HS3ST4: variants seen among roughly 807,000 people sequenced by gnomAD.
HS3ST4 encodes the protein heparan sulfate glucosamine 3-O-sulfotransferase 4.
A neutral mutation model predicts 29.2 loss-of-function variants in HS3ST4; 17 were observed. The ratio of observed to expected loss-of-function variants is 0.58; its 90% CI spans 0.40 to 0.87. The LOEUF is 0.87. Among genes scored for constraint, HS3ST4 ranks in the 40% least tolerant of loss-of-function variants. The pLI, the probability that HS3ST4 is intolerant of heterozygous loss-of-function variation, is 0.00. For synonymous variants in HS3ST4, 314 were observed against 285.7 expected (o/e 1.10, Z -1.00); for missense variants, 627 against 634.5 (o/e 0.99, Z 0.13).
chr16:25,824,057 C>T (rs9934473), intron 1 of HS3ST4, among the ~76,000 whole-genome samples: 91 of 152,248 alleles, frequency 6.0e-4, no homozygotes, highest in African/African-American at 1.9e-3. Flanking sequence ...GTGAGTCATT[C>T]GTCTTGGCAG....
intron 1 of HS3ST4, among the ~76,000 whole-genome samples, chr16:25,898,842 A>T (rs920157876): frequency 6.6e-6 from 1 of 152,252 alleles, no homozygotes; most frequent in African/African-American, 2.4e-5. Flanking sequence ...CCTTGGTGCA[A>T]AAACAAGACT....
intron 1 of HS3ST4, among the ~76,000 whole-genome samples, chr16:25,906,812 A>G (rs1266237537): frequency 1.3e-5 from 2 of 152,336 alleles, no homozygotes; most frequent in African/African-American, 2.4e-5. Context: ...CGCTTAAGGA[A>G]GGTAAAATTA....
intron 1 of HS3ST4, among the ~76,000 whole-genome samples, chr16:25,872,763 C>T (rs774310787): frequency 1.3e-5 from 2 of 152,154 alleles, no homozygotes; most frequent in African/African-American, 2.4e-5. Context: ...AAATCTACCA[C>T]TTGATGGGAA....
intron 1 of HS3ST4, among the ~76,000 whole-genome samples, chr16:26,024,878 G>A (rs1226380095): frequency 2.0e-5 from 3 of 152,180 alleles, no homozygotes; most frequent in Non-Finnish European, 4.4e-5. Context: ...CCCATGCTAG[G>A]TGAGTAAACC....
intron 1 of HS3ST4, among the ~76,000 whole-genome samples, chr16:25,872,620 G>A (rs1967766943): frequency 6.6e-6 from 1 of 152,168 alleles, no homozygotes; most frequent in African/African-American, 2.4e-5. Flanking sequence ...GTGGCTGTAA[G>A]TTTCCCAAGG....
intron 1 of HS3ST4, among the ~76,000 whole-genome samples, chr16:25,750,607 G>A (rs1012957443): frequency 6.6e-6 from 1 of 152,176 alleles, no homozygotes; most frequent in African/African-American, 2.4e-5. Flanking sequence ...CACTTTCTCA[G>A]TACTTGTGAG....
intron 1 of HS3ST4, among the ~76,000 whole-genome samples, chr16:25,707,116 C>T (rs1432953809): frequency 2.6e-5 from 4 of 152,212 alleles, no homozygotes; most frequent in Middle Eastern, 3.4e-3. Context: ...GATTGACTGT[C>T]GTGGTATCTC....
At chr16:25,700,152 C>T (rs963834734) in intron 1 of HS3ST4, among the ~76,000 whole-genome samples, 5 of 152,150 alleles carry the variant, frequency 3.3e-5, no homozygotes, top group Admixed American at 1.3e-4. Context: ...TAATCAGAAC[C>T]GGATTCCAGA....
chr16:25,882,605 T>A (rs1249084342), intron 1 of HS3ST4, among the ~76,000 whole-genome samples: 2 of 152,168 alleles, frequency 1.3e-5, no homozygotes, highest in Non-Finnish European at 1.5e-5. Flanking sequence ...CTTTTAGTTC[T>A]ACTGAAACTA....
intron 1 of HS3ST4, chr16:25,825,527 T>TG (rs1378517969): frequency 6.6e-6 from 1 of 152,260 alleles, no homozygotes; most frequent in Non-Finnish European, 1.5e-5. Flanking sequence ...CATGCTGCTG[T>TG]GGGGCACCAC....
intron 1 of HS3ST4, among the ~76,000 whole-genome samples, chr16:25,816,747 T>C (rs1967096001): frequency 6.6e-6 from 1 of 152,186 alleles, no homozygotes; most frequent in Non-Finnish European, 1.5e-5. Flanking sequence ...GCTTACAGGC[T>C]ACGAAGTCAG....
At chr16:25,757,127 A>G (rs981242547) in intron 1 of HS3ST4, among the ~76,000 whole-genome samples, 2 of 152,162 alleles carry the variant, frequency 1.3e-5, no homozygotes, top group Non-Finnish European at 2.9e-5. Context: ...CTAGGAGGAC[A>G]CTGTTTACAT....
intron 1 of HS3ST4, among the ~76,000 whole-genome samples, chr16:25,755,527 G>A (rs537770283): frequency 1.4e-4 from 21 of 152,294 alleles, no homozygotes; most frequent in African/African-American, 4.1e-4. Flanking sequence ...GGAGAACTTC[G>A]TAGATCATGT....
intron 1 of HS3ST4, among the ~76,000 whole-genome samples, chr16:25,781,055 G>C (rs546352217): frequency 6.6e-6 from 1 of 152,208 alleles, no homozygotes; most frequent in African/African-American, 2.4e-5. Flanking sequence ...CTTTGGACTT[G>C]GTTTATTGGG....
At chr16:26,035,393 G>A (rs898145690) in intron 1 of HS3ST4, among the ~76,000 whole-genome samples, 1 of 152,098 alleles carries the variant, frequency 6.6e-6, no homozygotes, top group Admixed American at 6.6e-5. Flanking sequence ...ACATCCAACT[G>A]CCTCTAAATA....
chr16:25,840,825 A>C (rs1364269999), intron 1 of HS3ST4, among the ~76,000 whole-genome samples: 1 of 152,166 alleles, frequency 6.6e-6, no homozygotes. Context: ...TAGAAGCAGC[A>C]CCCAAATATT....
At chr16:25,817,763 CA>C (rs1967108752) in intron 1 of HS3ST4, among the ~76,000 whole-genome samples, 1 of 152,186 alleles carries the variant, frequency 6.6e-6, no homozygotes, top group African/African-American at 2.4e-5. Flanking sequence ...TGTATTTATA[CA>C]GCCTCATTTT....
At chr16:26,066,652 C>T (rs1898545676) in intron 1 of HS3ST4, among the ~76,000 whole-genome samples, 1 of 152,160 alleles carries the variant, frequency 6.6e-6, no homozygotes, top group South Asian at 2.1e-4. Context: ...CCAGCAGCTG[C>T]AGTGTTGAGA....
chr16:26,111,487 G>T (rs1471025883), intron 1 of HS3ST4, among the ~76,000 whole-genome samples: 3 of 151,474 alleles, frequency 2.0e-5, no homozygotes, highest in Non-Finnish European at 4.4e-5. Flanking sequence ...GCAAAAATGT[G>T]TATAGTTTAG....
Sources: allele counts gnomAD v4.1 joint callset (sites outside exome capture counted in the v4.1 genomes callset), GRCh38; gene constraint gnomAD v4.1.1; transcripts MANE v1.5; gene names NCBI Gene and HGNC (gene_info 2026-07-23, HGNC 2026-07-21).